The following FRYL variants were observed in gnomAD, a reference collection of about 807,000 sequenced individuals.
The protein encoded by FRYL is FRY like transcription coactivator.
In FRYL, 150 loss-of-function variants were observed where a neutral mutation model predicts 351.2. The observed-to-expected ratio is 0.43, with a 90% CI of 0.37 to 0.49. The LOEUF (loss-of-function observed/expected upper bound fraction) is 0.49, where lower values mean the gene tolerates loss of function less well. Among genes scored for constraint, FRYL ranks in the 20% least tolerant of loss-of-function variants. FRYL has a pLI of 0.00. For synonymous variants in FRYL, 1,153 were observed against 1,257.1 expected (o/e 0.92, Z 1.75); for missense variants, 3,036 against 3,619.3 (o/e 0.84, Z 4.13).
At chr4:48,776,299 T>C (rs934474318) in intron 1 of FRYL, among the ~76,000 whole-genome samples, 14 of 152,064 alleles carry the variant, frequency 9.2e-5, no homozygotes, top group Middle Eastern at 3.2e-3. Flanking sequence ...CTTTTAATTT[T>C]GAAATTATGC....
At chr4:48,543,783 T>C in intron 44 of FRYL, 24 bp downstream of exon 44, 2 of 1,601,442 alleles carry the variant, frequency 1.2e-6, no homozygotes, top group Non-Finnish European at 1.7e-6. Flanking sequence ...GCTCAATAAC[T>C]GCTGAAAGAA....
intron 7 of FRYL, among the ~76,000 whole-genome samples, chr4:48,614,833 T>C (rs1172376614): frequency 1.5e-5 from 2 of 129,154 alleles, no homozygotes; most frequent in Admixed American, 7.7e-5. Flanking sequence ...TTTTTTTTTT[T>C]TTTTTTTTTT....
intron 28 of FRYL, among the ~76,000 whole-genome samples, chr4:48,566,056 T>G (rs183706148): frequency 6.6e-6 from 1 of 152,214 alleles, no homozygotes; most frequent in Non-Finnish European, 1.5e-5. Flanking sequence ...GACACACCTC[T>G]GTATCTTGGT....
intron 2 of FRYL, among the ~76,000 whole-genome samples, chr4:48,697,756 G>C (rs1578753645): frequency 6.6e-6 from 1 of 152,198 alleles, no homozygotes; most frequent in East Asian, 1.9e-4. Flanking sequence ...ACCATGTCTG[G>C]CCCTAAAATG....
chr4:48,612,978 T>C (rs951692792), intron 7 of FRYL, among the ~76,000 whole-genome samples: 4 of 152,206 alleles, frequency 2.6e-5, no homozygotes, highest in African/African-American at 9.6e-5. Context: ...TGTATGTATA[T>C]GAAGAAACAT....
At chr4:48,687,507 T>TGG (rs1560861172) in intron 2 of FRYL, among the ~76,000 whole-genome samples, 1 of 11,160 alleles carries the variant, frequency 9.0e-5, no homozygotes, top group Non-Finnish European at 1.8e-4. Context: ...GGGGGGGGGG[T>TGG]GAGGGGGGAG....
rs1719060140 is a variant in FRYL, at chr4:48,499,475, G to A, written c.8989C>T (p.Gln2997Ter). The A allele has an allele frequency of 6.2e-7, 1 of 1,613,726 alleles. No homozygotes were observed. The highest frequency in any genetic ancestry group is 8.5e-7 in the Non-Finnish European group (1 of 1,179,678). Residue 2997 changes from glutamine (Q) to a stop codon, truncating the protein, a stop_gained, in exon 64 of 64, where the codon CAA becomes TAA. Transcript: ENST00000358350. LOFTEE classifies it high-confidence loss of function. ...RESLRMVQSY[Q>*]LLAQAKPMGN... is the part of the protein sequence containing the mutation. The stretch of plus-strand genomic sequence containing the variant: ...ATTGGTTTGGCCTGTGCTAGAAGTT[G>A]GTATGATTGCACCATGCGTAGAGAC...
intron 4 of FRYL, among the ~76,000 whole-genome samples, chr4:48,628,416 T>C (rs892579473): frequency 2.1e-5 from 3 of 142,362 alleles, no homozygotes; most frequent in African/African-American, 7.8e-5. Flanking sequence ...TTTATATATA[T>C]CTCCCCTTCA....
intron 1 of FRYL, among the ~76,000 whole-genome samples, chr4:48,726,089 A>C (rs552581776): frequency 6.6e-6 from 1 of 152,320 alleles, no homozygotes; most frequent in Admixed American, 6.5e-5. Context: ...AAGATGTGAA[A>C]GGCAAAACTA....
chr4:48,563,885 AAAG>A, intron 31 of FRYL, 60 bp downstream of exon 31: 1 of 1,556,620 alleles, frequency 6.4e-7, no homozygotes, highest in Non-Finnish European at 8.7e-7. Flanking sequence ...TTTGAATTCA[AAAG>A]AAAAACTTTT....
chr4:48,713,686 C>T (rs1481196790), intron 1 of FRYL, among the ~76,000 whole-genome samples: 1 of 151,976 alleles, frequency 6.6e-6, no homozygotes, highest in Non-Finnish European at 1.5e-5. Flanking sequence ...ACTTTAACAC[C>T]CCACTGTCAA....
rs1433077296 is a variant in FRYL at position 48,509,908 on chromosome 4, G to C, written c.8394+151C>G. On this transcript the variant is annotated intron_variant, in intron 59 of 63. Transcript: ENST00000358350. ...AAAAGCCAAAGGTAGGAATTTGCTG[G>C]ATAGAGAGCTCAAAGAACCTGCTGC... The C allele has an allele frequency of 1.2e-5, 7 of 580,412 alleles. No individual in the cohort carries two copies. In the African/African-American group the frequency reaches 1.3e-4, roughly 11 times the overall value. 36.0% of individuals were successfully genotyped at this position (580,412 alleles called of 1,614,324 possible).
At chr4:48,526,654 C>A (rs113348042) in intron 53 of FRYL, among the ~76,000 whole-genome samples, 1 of 152,076 alleles carries the variant, frequency 6.6e-6, no homozygotes, top group Non-Finnish European at 1.5e-5. Flanking sequence ...AAGGGGAGAG[C>A]CTAGAGAACT....
intron 3 of FRYL, among the ~76,000 whole-genome samples, chr4:48,683,238 G>A (rs1480544964): frequency 1.3e-5 from 2 of 151,584 alleles, no homozygotes; most frequent in African/African-American, 4.9e-5. Context: ...ATGGACACAA[G>A]GAGGGGAATA....
intron 1 of FRYL, among the ~76,000 whole-genome samples, chr4:48,779,597 G>C (rs186732506): frequency 2.0e-5 from 3 of 152,146 alleles, no homozygotes; most frequent in Admixed American, 2.0e-4. Flanking sequence ...CAGCCGAGGC[G>C]GCGGAGCCGT....
chr4:48,561,971 G>A lies in FRYL; in HGVS notation c.3697-335C>T, dbSNP rs1323881100. Among the ~76,000 whole-genome samples the A allele has an allele frequency of 5.9e-5, 9 of 152,150 alleles. No homozygotes were observed. The East Asian group carries it at 1.7e-3, about 29-fold the overall frequency. ...GTAGAGGCAGCAGTGAGCCATGACT[G>A]TGCCACTGTACTCTAGCCTGGGTGA... On this transcript the variant is annotated intron_variant, in intron 32 of 63. Transcript: ENST00000358350.
At chr4:48,502,794 G>A in intron 61 of FRYL, 34 bp downstream of exon 61, 1 of 1,578,694 alleles carries the variant, frequency 6.3e-7, no homozygotes, top group Non-Finnish European at 8.7e-7. Context: ...TCTGGCAAGG[G>A]TGAGTAGTCT....
At chr4:48,507,177 C>G (rs575803325) in intron 59 of FRYL, among the ~76,000 whole-genome samples, 1 of 152,176 alleles carries the variant, frequency 6.6e-6, no homozygotes, top group East Asian at 1.9e-4. Flanking sequence ...AATGATACAG[C>G]CTTTTGGGGG....
intron 3 of FRYL, among the ~76,000 whole-genome samples, chr4:48,658,492 C>T (rs1294515849): frequency 2.0e-5 from 3 of 150,600 alleles, no homozygotes; most frequent in Non-Finnish European, 4.4e-5. Flanking sequence ...AATCCCAACA[C>T]TCTGGGGGGC....
Sources: allele counts gnomAD v4.1 joint callset (sites outside exome capture counted in the v4.1 genomes callset), GRCh38; gene constraint gnomAD v4.1.1; transcripts MANE v1.5; gene names NCBI Gene and HGNC (gene_info 2026-07-23, HGNC 2026-07-21).